Variants in STK3 observed in about 807,000 individuals in gnomAD.
The protein encoded by STK3 is serine/threonine kinase 3, also known as serine/threonine-protein kinase 3.
Under a neutral mutation model 58.0 loss-of-function variants are expected in STK3, and 41 were observed. The ratio of observed to expected loss-of-function variants is 0.71; its 90% confidence interval spans 0.55 to 0.92. STK3 has a LOEUF of 0.92. Among genes scored for constraint, STK3 ranks in the 40% least tolerant of loss-of-function variants. The pLI, the probability that STK3 is intolerant of heterozygous loss-of-function variation, is 0.00. For synonymous variants in STK3, 170 were observed against 191.0 expected (o/e 0.89, Z 0.91); for missense variants, 479 against 602.7 (o/e 0.79, Z 2.15).
At position 98,890,328 on chromosome 8, in the gene STK3, C is replaced by G. The variant is rs112590297; in HGVS notation, c.-78-6494G>C. Reference sequence around the variant, plus strand: ...TATAATCCCCAACCCAGGAATTTTACTCTCGCTTTCGTTCATGTCTTCGTA... The same window carrying G: ...TATAATCCCCAACCCAGGAATTTTAGTCTCGCTTTCGTTCATGTCTTCGTA... On this transcript the variant is annotated intron_variant, in intron 1 of 1. Transcript: ENST00000519420. Among the ~76,000 whole-genome samples the G allele has an allele frequency of 1.5e-3, 222 of 152,338 alleles. 1 individual carries two copies. Among genetic ancestry groups the G allele is most frequent in the African/African-American group, 5.0e-3 (210 of 41,588 alleles).
At chr8:98,672,218 C>T (rs1280557287) in intron 6 of STK3, among the ~76,000 whole-genome samples, 3 of 151,640 alleles carry the variant, frequency 2.0e-5, no homozygotes, top group Non-Finnish European at 4.4e-5. Flanking sequence ...AATATGTAGA[C>T]CCAGCACTTT....
upstream of STK3, among the ~76,000 whole-genome samples, chr8:98,828,766 G>A (rs1224408189): frequency 6.6e-6 from 1 of 152,214 alleles, no homozygotes; most frequent in Admixed American, 6.5e-5. Flanking sequence ...AGTTGTGATA[G>A]AGATACTGTC....
chr8:98,474,524 T>C (rs1055301496), intron 10 of STK3, among the ~76,000 whole-genome samples: 1 of 152,154 alleles, frequency 6.6e-6, no homozygotes, highest in Non-Finnish European at 1.5e-5. Flanking sequence ...AGTAAAATCG[T>C]CCAAAAATTA....
intron 3 of STK3, among the ~76,000 whole-genome samples, chr8:98,415,469 T>A (rs1458415471): frequency 6.6e-6 from 1 of 152,182 alleles, no homozygotes; most frequent in Non-Finnish European, 1.5e-5. Flanking sequence ...CAGAAAACCT[T>A]CTTAAAATTC....
intron 3 of STK3, among the ~76,000 whole-genome samples, chr8:98,865,091 T>C (rs1277442019): frequency 6.6e-6 from 1 of 152,102 alleles, no homozygotes; most frequent in African/African-American, 2.4e-5. Flanking sequence ...ATACAGCATT[T>C]ATTACTGTAG....
intron 4 of STK3, among the ~76,000 whole-genome samples, chr8:98,725,782 AT>A (rs35980148): frequency 0.018 from 2,707 of 152,258 alleles, 43 homozygotes; most frequent in Non-Finnish European, 0.023. Flanking sequence ...GGCAATTTAC[AT>A]TTGTATAGAA....
chr8:98,442,452 A>G (rs1276347512), intron 1 of STK3, among the ~76,000 whole-genome samples: 1 of 152,276 alleles, frequency 6.6e-6, no homozygotes, highest in Non-Finnish European at 1.5e-5. Context: ...TGGCACTTCC[A>G]GAAATGCTAG....
Position 98,428,609 on chromosome 8 carries a change from C to A in STK3, n.483+5518G>T. On this transcript the variant is annotated intron_variant and non_coding_transcript_variant, in intron 3 of 3. Coordinates refer to the STK3 transcript ENST00000517832. The surrounding 1 kb of genome is among the most constrained non-coding windows in gnomAD (Gnocchi z 6.7). ...TCACCATGTGCCTCAATAGCCTGCC[C>A]GATTTCCAAATCCCTGACAGCCAGG... The A allele has an allele frequency of 6.2e-7, 1 of 1,614,138 alleles. No individual in the cohort carries two copies. Among genetic ancestry groups the A allele is most frequent in the Non-Finnish European group, 8.5e-7 (1 of 1,180,034 alleles).
intron 3 of STK3, among the ~76,000 whole-genome samples, chr8:98,842,107 A>G (rs569410914): frequency 6.6e-6 from 1 of 151,986 alleles, no homozygotes; most frequent in African/African-American, 2.4e-5. Context: ...TATGAATTTT[A>G]AAAAAAATAG....
At chr8:98,387,566 T>A (rs904260951) in intron 1 of STK3, among the ~76,000 whole-genome samples, 1 of 152,132 alleles carries the variant, frequency 6.6e-6, no homozygotes, top group African/African-American at 2.4e-5. Flanking sequence ...CTGACCAACA[T>A]GGAGAAACCC....
At chr8:98,556,583 G>A (rs946298883) in intron 8 of STK3, among the ~76,000 whole-genome samples, 3 of 152,084 alleles carry the variant, frequency 2.0e-5, no homozygotes, top group Non-Finnish European at 2.9e-5. Flanking sequence ...GGAAAGCAAT[G>A]AGTAAGTTTG....
At chr8:98,871,558 T>G (rs932778840) in intron 3 of STK3, among the ~76,000 whole-genome samples, 21 of 152,276 alleles carry the variant, frequency 1.4e-4, no homozygotes, top group Middle Eastern at 3.4e-3. Context: ...AGGTCCTTCA[T>G]GTCCCTTGTA....
At chr8:98,624,134 G>A (rs76349125) in intron 6 of STK3, among the ~76,000 whole-genome samples, 2,781 of 152,264 alleles carry the variant, frequency 0.018, 106 homozygotes, top group African/African-American at 0.062. Flanking sequence ...GGTGGTAGGC[G>A]TAGGGGAACA....
intron 1 of STK3, among the ~76,000 whole-genome samples, chr8:98,938,651 TAATCCAGGGGC>T (rs1840281184): frequency 6.6e-6 from 1 of 152,082 alleles, no homozygotes; most frequent in African/African-American, 2.4e-5. Context: ...AGCCTCAGGG[TAATCCAGGGGC>T]ACAGAGACTC....
rs779150579 is a variant in STK3 at position 98,428,380 on chromosome 8, A to G, written n.483+5747T>C. 1.2e-6 allele frequency: 2 copies of G among 1,614,178 alleles called. No homozygotes were observed. The highest frequency in any genetic ancestry group is 2.2e-5 in the South Asian group (2 of 91,080). ...CGCAAAGTAGAGCCCGAGCAGGAGAAGTGGGACGAGCAGAGTGACCAGGAG... is the reference window on the plus strand; with the variant it reads ...CGCAAAGTAGAGCCCGAGCAGGAGAGGTGGGACGAGCAGAGTGACCAGGAG... On this transcript the variant is annotated intron_variant and non_coding_transcript_variant, in intron 3 of 3. Transcript: ENST00000517832. This position sits in a 1 kb window ranked among gnomAD's most constrained non-coding sequence, Gnocchi z 6.7.
intron 4 of STK3, among the ~76,000 whole-genome samples, chr8:98,740,470 C>T (rs1169517489): frequency 6.6e-6 from 1 of 152,086 alleles, no homozygotes; most frequent in Non-Finnish European, 1.5e-5. Flanking sequence ...ATTTTTAAAC[C>T]AGAATTTCAT....
At chr8:98,742,200 A>G (rs1029928131) in intron 4 of STK3, among the ~76,000 whole-genome samples, 5 of 151,948 alleles carry the variant, frequency 3.3e-5, no homozygotes, top group African/African-American at 1.2e-4. Context: ...CAATCAATAG[A>G]AAAAGAGGGA....
At chr8:98,698,891 C>T (rs989370760) in intron 6 of STK3, among the ~76,000 whole-genome samples, 2 of 151,936 alleles carry the variant, frequency 1.3e-5, no homozygotes, top group African/African-American at 4.8e-5. Context: ...TCTGTATTTC[C>T]TGAATCTGAA....
chr8:98,871,704 C>T (rs1365909342), intron 3 of STK3, among the ~76,000 whole-genome samples: 1 of 152,196 alleles, frequency 6.6e-6, no homozygotes, highest in Non-Finnish European at 1.5e-5. Flanking sequence ...TATCCTGAGA[C>T]TTTGCTGACG....
Sources: allele counts gnomAD v4.1 joint callset (sites outside exome capture counted in the v4.1 genomes callset), GRCh38; gene constraint gnomAD v4.1.1; non-coding constraint Gnocchi (gnomAD v3.1); transcripts MANE v1.5; gene names NCBI Gene and HGNC (gene_info 2026-07-23, HGNC 2026-07-21).